Variants in KCNIP4 observed in about 807,000 individuals in gnomAD.
The protein encoded by KCNIP4 is Kv channel-interacting protein 4.
KCNIP4 carries 12 observed loss-of-function variants against 34.0 expected under a neutral mutation model. The observed-to-expected ratio is 0.35, with a 90% CI of 0.23 to 0.57. The LOEUF (loss-of-function observed/expected upper bound fraction) is 0.57. KCNIP4 is among the 20% of genes least tolerant of loss of function. The pLI is 0.83. For missense variants in KCNIP4, 238 were observed against 311.7 expected (o/e 0.76, Z 1.78); for synonymous variants, 124 against 102.2 (o/e 1.21, Z -1.29).
chr4:21,757,275 A>G (rs1283320000), intron 1 of KCNIP4, among the ~76,000 whole-genome samples: 1 of 87,288 alleles, frequency 1.1e-5, no homozygotes, highest in African/African-American at 2.9e-5. Flanking sequence ...AAGAAAAGAA[A>G]AGAAAAGAAA....
At chr4:20,909,335 G>A (rs532071847) in intron 1 of KCNIP4, among the ~76,000 whole-genome samples, 1 of 152,182 alleles carries the variant, frequency 6.6e-6, no homozygotes, top group South Asian at 2.1e-4. Context: ...AGAAATGTAT[G>A]GCCCTTGTCA....
At chr4:20,982,890 T>C (rs572734333) in intron 1 of KCNIP4, among the ~76,000 whole-genome samples, 257 of 152,292 alleles carry the variant, frequency 1.7e-3, no homozygotes, top group African/African-American at 5.9e-3. Context: ...AAATATCATA[T>C]CCATATCTGG....
chr4:21,433,630 A>G (rs1389057739), intron 1 of KCNIP4, among the ~76,000 whole-genome samples: 1 of 152,174 alleles, frequency 6.6e-6, no homozygotes, highest in Non-Finnish European at 1.5e-5. Context: ...GCTATAGCTG[A>G]CTGATACACA....
At chr4:20,933,887 C>A (rs1577390376) in intron 1 of KCNIP4, among the ~76,000 whole-genome samples, 1 of 152,104 alleles carries the variant, frequency 6.6e-6, no homozygotes, top group Non-Finnish European at 1.5e-5. Context: ...ACCCTAAGTT[C>A]CAGCAAAATG....
intron 1 of KCNIP4, among the ~76,000 whole-genome samples, chr4:21,036,756 T>C (rs1470658495): frequency 2.0e-5 from 3 of 152,244 alleles, no homozygotes; most frequent in Admixed American, 1.3e-4. Flanking sequence ...ACCTGCTATA[T>C]GTCTTGTTTC....
chr4:21,454,967 G>T (rs1171646402), intron 1 of KCNIP4, among the ~76,000 whole-genome samples: 1 of 151,968 alleles, frequency 6.6e-6, no homozygotes, highest in East Asian at 1.9e-4. Context: ...GTTTACTCAG[G>T]ACCATCCTAG....
chr4:21,535,533 G>C (rs1014757170), intron 1 of KCNIP4, among the ~76,000 whole-genome samples: 5 of 151,968 alleles, frequency 3.3e-5, no homozygotes, highest in Non-Finnish European at 7.4e-5. Flanking sequence ...CTTCTGTAAA[G>C]AACCATGATT....
chr4:21,405,076 C>T (rs1461824605), intron 1 of KCNIP4, among the ~76,000 whole-genome samples: 1 of 152,120 alleles, frequency 6.6e-6, no homozygotes, highest in Non-Finnish European at 1.5e-5. Context: ...ATCTCATCCT[C>T]CATCCTCTGA....
At chr4:21,471,918 T>C (rs1009407153) in intron 1 of KCNIP4, among the ~76,000 whole-genome samples, 29 of 152,170 alleles carry the variant, frequency 1.9e-4, no homozygotes, top group African/African-American at 6.8e-4. Flanking sequence ...GATTTCTAAA[T>C]AAAAATATTC....
chr4:21,490,384 C>A (rs1732286737), intron 1 of KCNIP4, among the ~76,000 whole-genome samples: 1 of 152,082 alleles, frequency 6.6e-6, no homozygotes, highest in African/African-American at 2.4e-5. Context: ...AATCTCTGTT[C>A]CTTTCCTTCT....
intron 1 of KCNIP4, among the ~76,000 whole-genome samples, chr4:20,889,422 G>A (rs1327674429): frequency 6.6e-6 from 1 of 152,030 alleles, no homozygotes. Context: ...TGTTTCACAA[G>A]TATTCTTGTT....
At chr4:21,746,660 C>T (rs1164526858) in intron 1 of KCNIP4, among the ~76,000 whole-genome samples, 1 of 151,832 alleles carries the variant, frequency 6.6e-6, no homozygotes, top group African/African-American at 2.4e-5. Flanking sequence ...AAAATATTAT[C>T]TGAGTCTTAT....
chr4:21,249,818 T>G (rs1413449676), intron 1 of KCNIP4, among the ~76,000 whole-genome samples: 2 of 152,180 alleles, frequency 1.3e-5, no homozygotes, highest in Non-Finnish European at 2.9e-5. Flanking sequence ...TGCCAGCAAC[T>G]TGGATTATTT....
At chr4:21,944,223 T>C in intron 1 of KCNIP4, among the ~76,000 whole-genome samples, 1 of 151,596 alleles carries the variant, frequency 6.6e-6, no homozygotes, top group East Asian at 1.9e-4. Context: ...CTGCACAAAA[T>C]GGGCAAAAAG....
rs1560744901 is a variant in KCNIP4 at position 21,125,207 on chromosome 4, T to TTTTATTTTATTTTATTTTATTTTAA, written c.62-242499_62-242498insTTAAAATAAAATAAAATAAAATAAA. On this transcript the variant is annotated intron_variant, in intron 1 of 8. Transcript: ENST00000382152. ...TTTTGTCTTATTTTATTTTATTTTA[T>TTTTATTTTATTTTATTTTATTTTAA]TTTATTTTATTTTATTTTATTTTAT... 4.4e-4 allele frequency among the ~76,000 whole-genome samples: 64 copies of TTTTATTTTATTTTATTTTATTTTAA among 145,930 alleles called. 1 individual carries two copies. The highest frequency in any genetic ancestry group is 1.5e-3 in the African/African-American group (58 of 39,082).
At chr4:21,723,182 T>C (rs1216719492) in intron 1 of KCNIP4, among the ~76,000 whole-genome samples, 1 of 152,176 alleles carries the variant, frequency 6.6e-6, no homozygotes, top group Non-Finnish European at 1.5e-5. Context: ...TCTTCGGGCA[T>C]GTGGACTCAG....
At chr4:21,055,722 T>C (rs182550346) in intron 1 of KCNIP4, among the ~76,000 whole-genome samples, 2 of 152,302 alleles carry the variant, frequency 1.3e-5, no homozygotes, top group Admixed American at 1.3e-4. Context: ...CCAACTGTAA[T>C]ACATTCTAGA....
At chr4:21,942,313 G>C (rs1045634808) in intron 1 of KCNIP4, among the ~76,000 whole-genome samples, 28 of 152,152 alleles carry the variant, frequency 1.8e-4, no homozygotes, top group African/African-American at 6.5e-4. Flanking sequence ...ATTTACAAAG[G>C]ACCATTTGTG....
chr4:21,558,755 C>T (rs1003685813), intron 1 of KCNIP4, among the ~76,000 whole-genome samples: 1 of 152,114 alleles, frequency 6.6e-6, no homozygotes, highest in South Asian at 2.1e-4. Flanking sequence ...CATGCCATTA[C>T]AACAGACTAA....
Sources: allele counts gnomAD v4.1 joint callset (sites outside exome capture counted in the v4.1 genomes callset), GRCh38; gene constraint gnomAD v4.1.1; transcripts MANE v1.5; gene names NCBI Gene and HGNC (gene_info 2026-07-23, HGNC 2026-07-21).